GCNT1: variants seen among roughly 807,000 people sequenced by gnomAD.
GCNT1 encodes beta-1,3-galactosyl-O-glycosyl-glycoprotein beta-1,6-N-acetylglucosaminyltransferase.
Under a neutral mutation model 26.2 loss-of-function variants are expected in GCNT1, and 16 were observed. That is an observed-to-expected ratio of 0.61 (90% CI 0.41 to 0.93). The LOEUF (loss-of-function observed/expected upper bound fraction) is 0.93, where lower values mean the gene tolerates loss of function less well. Ranked by LOEUF, GCNT1 falls within the 40% of genes least tolerant of loss-of-function variation. The pLI is 0.00. For missense variants in GCNT1, 477 were observed against 526.7 expected (o/e 0.91, Z 0.92); for synonymous variants, 183 against 190.8 (o/e 0.96, Z 0.34).
intron 2 of GCNT1, among the ~76,000 whole-genome samples, chr9:76,469,554 G>A (rs1019142172): frequency 6.6e-6 from 1 of 152,128 alleles, no homozygotes; most frequent in Non-Finnish European, 1.5e-5. Flanking sequence ...TCTTGCAACT[G>A]CACTCTCTTC....
At chr9:76,494,284 T>A (rs192405717) in intron 2 of GCNT1, among the ~76,000 whole-genome samples, 1 of 152,176 alleles carries the variant, frequency 6.6e-6, no homozygotes, top group Non-Finnish European at 1.5e-5. Context: ...AAATCGGATT[T>A]AGTGACCCTT....
At chr9:76,467,224 A>G (rs1824018473) in intron 2 of GCNT1, among the ~76,000 whole-genome samples, 1 of 152,082 alleles carries the variant, frequency 6.6e-6, no homozygotes. Flanking sequence ...TTGTATTTTT[A>G]GTAGAGATGG....
chr9:76,433,825 G>T (rs1286060661), intron 1 of GCNT1, among the ~76,000 whole-genome samples: 2 of 152,160 alleles, frequency 1.3e-5, no homozygotes. Context: ...GACAATAGGG[G>T]ATTCTGACCC....
Position 76,477,708 on chromosome 9 carries a change from C to T in GCNT1, c.-290+17531C>T, listed in dbSNP as rs1485985560. ...CATTAAGCATATTTGCACTGTTGTGCAGCCATCTCACCCTAGCCATTCCTA... is the reference window on the plus strand; with the variant it reads ...CATTAAGCATATTTGCACTGTTGTGTAGCCATCTCACCCTAGCCATTCCTA... On this transcript the variant is annotated intron_variant, in intron 2 of 3. Transcript: ENST00000376730. 2.0e-5 allele frequency among the ~76,000 whole-genome samples: 3 copies of T among 152,226 alleles called. 1 individual carries two copies. The East Asian group carries it at 5.8e-4, about 29-fold the overall frequency.
At chr9:76,404,418 T>C in the GCNT1 span, among the ~76,000 whole-genome samples, 2 of 152,154 alleles carry the variant, frequency 1.3e-5, no homozygotes, top group African/African-American at 4.8e-5. Flanking sequence ...TGGTATAGAT[T>C]GGAAAATTAT....
intron 2 of GCNT1, among the ~76,000 whole-genome samples, chr9:76,500,375 G>A (rs1432666864): frequency 6.6e-6 from 1 of 152,094 alleles, no homozygotes. Context: ...ACCAGTAAGG[G>A]GCAGGAATTA....
At chr9:76,435,887 A>G (rs1487832842) in intron 1 of GCNT1, among the ~76,000 whole-genome samples, 2 of 151,920 alleles carry the variant, frequency 1.3e-5, no homozygotes, top group Non-Finnish European at 2.9e-5. Flanking sequence ...ATTTATTGGT[A>G]CATTCAATCC....
At chr9:76,461,081 T>G (rs1823861293) in intron 2 of GCNT1, among the ~76,000 whole-genome samples, 1 of 151,800 alleles carries the variant, frequency 6.6e-6, no homozygotes, top group Non-Finnish European at 1.5e-5. Flanking sequence ...TGCACAAGAG[T>G]GCTTGGTTGG....
chr9:76,451,538 T>G (rs998778487), intron 1 of GCNT1, among the ~76,000 whole-genome samples: 1 of 152,092 alleles, frequency 6.6e-6, no homozygotes, highest in Non-Finnish European at 1.5e-5. Context: ...AAAAATCAGT[T>G]GTTTAAGGGT....
Position 76,442,761 on chromosome 9 carries a change from GT to G in GCNT1, c.-290+448del, listed in dbSNP as rs1461046615. Among the ~76,000 whole-genome samples, 4 of 152,114 alleles carry G rather than the reference GT, an allele frequency of 2.6e-5. No individual in the cohort carries two copies. In the East Asian group the frequency reaches 7.7e-4, roughly 29 times the overall value. On this transcript the variant is annotated intron_variant, in intron 1 of 2. Coordinates refer to the GCNT1 transcript ENST00000442371. The stretch of plus-strand genomic sequence containing the variant: ...AAGTAGTAAGAGAAATGTGAAAATG[GT>G]TCTTAAGTTACAAAGTACCATATGA...
At chr9:76,426,705 G>C (rs1220985081) in intron 1 of GCNT1, among the ~76,000 whole-genome samples, 1 of 152,142 alleles carries the variant, frequency 6.6e-6, no homozygotes, top group East Asian at 1.9e-4. Flanking sequence ...AGACCAGCCT[G>C]GCCAACATAG....
intron 1 of GCNT1, among the ~76,000 whole-genome samples, chr9:76,445,552 T>A (rs1263751379): frequency 6.6e-6 from 1 of 152,064 alleles, no homozygotes; most frequent in Non-Finnish European, 1.5e-5. Flanking sequence ...CAAGCCCAGC[T>A]AATTTTTGTA....
rs375871513 is a variant in GCNT1, at chr9:76,427,866, C to T, written n.38+7979C>T. On this transcript the variant is annotated intron_variant and non_coding_transcript_variant, in intron 1 of 3. Coordinates refer to the GCNT1 transcript ENST00000488136. The stretch of plus-strand genomic sequence containing the variant: ...GCGTGGTAGCACACACCTGCAGTCC[C>T]AGATAGTTGGGAGGCTGTGGCATGA... 9.2e-5 allele frequency among the ~76,000 whole-genome samples: 14 copies of T among 152,144 alleles called. No individual in the cohort carries two copies. In the East Asian group the frequency reaches 2.3e-3, roughly 25 times the overall value.
chr9:76,462,265 G>A (rs895165305), intron 2 of GCNT1, among the ~76,000 whole-genome samples: 1 of 152,142 alleles, frequency 6.6e-6, no homozygotes, highest in Non-Finnish European at 1.5e-5. Flanking sequence ...TCTTAAAAAG[G>A]GAGTTCCCAA....
At position 76,503,664 on chromosome 9, in the gene GCNT1, A is replaced by G; in HGVS notation, c.1283A>G (p.His428Arg). The change falls in exon 4 of 4, where the codon CAC becomes CGC. Residue 428 changes from histidine (H) to arginine (R), a missense_variant. Physicochemically the swap from His to Arg is conservative, Grantham distance 29. Transcript: ENST00000376730. ...CACAAAGCTTTGGAGACATTAAAAC[A>G]CTGACCATTACGGGCAATTTTATGA... ...LRHKALETLKH is the reference protein window; with the variant it reads ...LRHKALETLKR 6.2e-7 allele frequency: 1 copy of G among 1,609,068 alleles called. No individual in the cohort carries two copies.
At chr9:76,493,049 A>G (rs1161728012) in intron 2 of GCNT1, among the ~76,000 whole-genome samples, 1 of 151,984 alleles carries the variant, frequency 6.6e-6, no homozygotes, top group Admixed American at 6.5e-5. Context: ...AGGGGAGTAT[A>G]TTTTCTTAAG....
chr9:76,446,909 C>T lies in GCNT1; in HGVS notation c.-290+4594C>T, dbSNP rs576185678. ...GTGGCTCATGCCTGTAATCCCAGCA[C>T]TTTGGGAGGCTGAGACGGGCAGATC... On this transcript the variant is annotated intron_variant, in intron 1 of 2. Coordinates refer to the GCNT1 transcript ENST00000442371. 5.0e-4 allele frequency among the ~76,000 whole-genome samples: 76 copies of T among 152,166 alleles called. 2 individuals carry two copies. In the South Asian group the frequency reaches 0.014, roughly 29 times the overall value.
chr9:76,473,990 C>T (rs1329370686), intron 2 of GCNT1, among the ~76,000 whole-genome samples: 1 of 151,998 alleles, frequency 6.6e-6, no homozygotes, highest in African/African-American at 2.4e-5. Context: ...TCCCAGCTAC[C>T]CAGGAGGCTG....
chr9:76,478,013 C>CT (rs1363591374), intron 2 of GCNT1, among the ~76,000 whole-genome samples: 1 of 152,182 alleles, frequency 6.6e-6, no homozygotes, highest in African/African-American at 2.4e-5. Flanking sequence ...AATCAGCACT[C>CT]TGTAAAAATG....
Sources: allele counts gnomAD v4.1 joint callset (sites outside exome capture counted in the v4.1 genomes callset), GRCh38; gene constraint gnomAD v4.1.1; transcripts MANE v1.5; gene names NCBI Gene and HGNC (gene_info 2026-07-23, HGNC 2026-07-21).